The following NAA25 variants were observed in gnomAD, a reference collection of about 807,000 sequenced individuals.
NAA25 encodes the protein N-terminal acetyltransferase B complex subunit NAA25.
A neutral mutation model predicts 132.5 loss-of-function variants in NAA25; 30 were observed. The ratio of observed to expected loss-of-function variants is 0.23; its 90% CI spans 0.17 to 0.31. NAA25 has a LOEUF of 0.31. Among genes scored for constraint, NAA25 ranks in the 10% least tolerant of loss-of-function variants. NAA25 has a pLI of 1.00. For missense variants in NAA25, 771 were observed against 1,150.4 expected, an observed-to-expected ratio of 0.67 and a Z score of 4.77; for synonymous variants, 359 against 401.9, an observed-to-expected ratio of 0.89 and a Z score of 1.28.
intron 11 of NAA25, among the ~76,000 whole-genome samples, chr12:112,061,838 G>A (rs528886750): frequency 3.5e-4 from 53 of 152,192 alleles, no homozygotes; most frequent in African/African-American, 1.2e-3. Flanking sequence ...GAAAGATACT[G>A]TTTACCTTAT....
At chr12:112,104,619 A>G (rs1162926313) in intron 1 of NAA25, among the ~76,000 whole-genome samples, 1 of 149,958 alleles carries the variant, frequency 6.7e-6, no homozygotes, top group African/African-American at 2.5e-5. Context: ...AGTGGACCAC[A>G]TGATCAGAAG....
intron 1 of NAA25, among the ~76,000 whole-genome samples, chr12:112,102,771 C>A (rs903758218): frequency 1.3e-5 from 2 of 151,288 alleles, no homozygotes; most frequent in Non-Finnish European, 2.9e-5. Context: ...ACTGCAACCT[C>A]CGCCTCCTGG....
At chr12:112,059,198 G>A (rs2078591180) in intron 13 of NAA25, among the ~76,000 whole-genome samples, 1 of 149,570 alleles carries the variant, frequency 6.7e-6, no homozygotes, top group African/African-American at 2.5e-5. Context: ...CTTGAACCCA[G>A]GAGGCGGAGG....
chr12:112,038,426 T>G (rs760102559), intron 22 of NAA25, among the ~76,000 whole-genome samples: 4 of 152,218 alleles, frequency 2.6e-5, no homozygotes, highest in African/African-American at 2.4e-5. Context: ...TATCCTGATG[T>G]GTTACATGTC....
chr12:112,104,695 G>C (rs1395288338), intron 1 of NAA25, among the ~76,000 whole-genome samples: 2 of 152,064 alleles, frequency 1.3e-5, no homozygotes, highest in Admixed American at 1.3e-4. Flanking sequence ...AATTAACCTG[G>C]CGTGGTGGCG....
intron 17 of NAA25, among the ~76,000 whole-genome samples, chr12:112,045,902 T>C (rs1431636462): frequency 6.6e-6 from 1 of 152,090 alleles, no homozygotes; most frequent in Non-Finnish European, 1.5e-5. Context: ...TAACTAAAAA[T>C]AGTATGTATG....
intron 12 of NAA25, 96 bp from the exon 13 acceptor site, chr12:112,060,455 G>A (rs1238562543): frequency 4.2e-6 from 3 of 722,558 alleles, no homozygotes; most frequent in Admixed American, 2.8e-5. Flanking sequence ...AGGAGGGAGA[G>A]GAGGAAAAGT....
In NAA25 at chr12:112,052,737, A is replaced by G. The variant is rs141330994; in HGVS notation, c.1728+821T>C. Among the ~76,000 whole-genome samples the G allele has an allele frequency of 5.3e-4, 81 of 152,350 alleles. 1 individual carries two copies. Among genetic ancestry groups the G allele is most frequent in the African/African-American group, 1.9e-3 (80 of 41,576 alleles). On this transcript the variant is annotated intron_variant, in intron 15 of 23. Transcript: ENST00000261745. Reference sequence around the variant, plus strand: ...TTTGCCAAGAAGAACCCCAGAAACTAGCTTCCTTGCTAGTTCCTTAATTGC... The same window carrying G: ...TTTGCCAAGAAGAACCCCAGAAACTGGCTTCCTTGCTAGTTCCTTAATTGC...
intron 4 of NAA25, among the ~76,000 whole-genome samples, chr12:112,086,073 T>TATATACACACACACACAC (rs759148501): frequency 5.6e-5 from 3 of 53,984 alleles, no homozygotes; most frequent in East Asian, 2.3e-3. Flanking sequence ...TATATATATA[T>TATATACACACACACACAC]ACACACACAC....
intron 2 of NAA25, among the ~76,000 whole-genome samples, chr12:112,092,111 C>T (rs374266898): frequency 2.0e-5 from 3 of 151,564 alleles, no homozygotes; most frequent in South Asian, 2.1e-4. Flanking sequence ...CGTGGTAGGA[C>T]GCGCCTGTAG....
At chr12:112,060,247 G>C (rs1239110487) in intron 13 of NAA25, 23 bp downstream of exon 13, 1 of 1,535,126 alleles carries the variant, frequency 6.5e-7, no homozygotes, top group Non-Finnish European at 9.0e-7. Flanking sequence ...AAGTAAAGTT[G>C]AACTGAAATC....
At chr12:112,048,782 G>A (rs2078423198) in intron 15 of NAA25, among the ~76,000 whole-genome samples, 1 of 152,032 alleles carries the variant, frequency 6.6e-6, no homozygotes, top group South Asian at 2.1e-4. Flanking sequence ...ATTCTGGAAG[G>A]GATGTTACTC....
intron 7 of NAA25, 56 bp downstream of exon 7, chr12:112,078,132 T>C: frequency 8.0e-7 from 1 of 1,257,552 alleles, no homozygotes; most frequent in South Asian, 1.3e-5. Flanking sequence ...ACAATAAACA[T>C]TTTTCATGTT....
At chr12:112,087,592 C>T in intron 4 of NAA25, 91 bp downstream of exon 4, 1 of 805,744 alleles carries the variant, frequency 1.2e-6, no homozygotes, top group South Asian at 1.7e-5. Flanking sequence ...ATTCTACACA[C>T]ACACATACCC....
At chr12:112,029,856 T>A (rs1233310028) in intron 23 of NAA25, among the ~76,000 whole-genome samples, 4 of 152,196 alleles carry the variant, frequency 2.6e-5, no homozygotes, top group Non-Finnish European at 5.9e-5. Flanking sequence ...TGATTCTTCA[T>A]GGAAACCCTA....
chr12:112,078,215 A>G lies in NAA25; in HGVS notation c.637T>C (p.Leu213=), dbSNP rs767403920. 6.2e-7 allele frequency: 1 copy of G among 1,609,354 alleles called. No homozygotes were observed. The highest frequency in any genetic ancestry group is 8.5e-7 in the Non-Finnish European group (1 of 1,178,410). ...CCTAATTTCCCTCTGATGACATCCA[A>G]GGCCTCCTGGTACTTTCCCAAACGT... The part of the protein sequence containing the change: ...LERLGKYQEA[L]DVIRGKLGEK... The change falls in exon 7 of 24, where the codon TTG becomes CTG. Residue 213 remains leucine (L), a synonymous_variant. Transcript: ENST00000261745.
intron 23 of NAA25, among the ~76,000 whole-genome samples, chr12:112,030,121 G>A (rs996913055): frequency 7.0e-6 from 1 of 143,820 alleles, no homozygotes; most frequent in East Asian, 2.1e-4. Flanking sequence ...GCTGAGGCAC[G>A]AGAATTGCTT....
chr12:112,047,556 T>C (rs968371494), intron 17 of NAA25, 109 bp downstream of exon 17: 1 of 1,318,598 alleles, frequency 7.6e-7, no homozygotes, highest in Non-Finnish European at 1.0e-6. Flanking sequence ...AAAAATAAAC[T>C]GCTTCACCCA....
At position 112,029,072 on chromosome 12, in the gene NAA25, G is replaced by A. The variant is rs936625911; in HGVS notation, c.*459C>T. 2 of 159,170 alleles carry A rather than the reference G, an allele frequency of 1.3e-5. No homozygotes were observed. Among genetic ancestry groups the A allele is most frequent in the African/African-American group, 4.8e-5 (2 of 41,454 alleles). The allele number at this position is 159,170 out of a possible 1,614,324, so 9.9% of individuals were successfully genotyped here. A position where few individuals can be genotyped will look rare whatever the true frequency, so the allele number is the denominator to read the frequency against. ...AAACAAACTTACTGCTGTGAAAAGG[G>A]GGTCTGTTCCCAGGCATGGTCTCCC... On this transcript the variant is annotated 3_prime_UTR_variant, in exon 24 of 24. Transcript: ENST00000261745.
Sources: allele counts gnomAD v4.1 joint callset (sites outside exome capture counted in the v4.1 genomes callset), GRCh38; gene constraint gnomAD v4.1.1; transcripts MANE v1.5; gene names NCBI Gene and HGNC (gene_info 2026-07-23, HGNC 2026-07-21).